The following VAT1L variants were observed in gnomAD, a reference collection of about 807,000 sequenced individuals.
The protein encoded by VAT1L is vesicle amine transport 1 like, also known as putative NADPH-dependent quinone oxidoreductase VAT1L.
Under a neutral mutation model 44.1 loss-of-function variants are expected in VAT1L, and 34 were observed. The observed-to-expected ratio is 0.77, with a 90% CI of 0.59 to 1.03. The LOEUF (loss-of-function observed/expected upper bound fraction) is 1.03. Among genes scored for constraint, VAT1L ranks in the 50% least tolerant of loss-of-function variants. The pLI is 0.00. For missense variants in VAT1L, 615 were observed against 538.8 expected, an observed-to-expected ratio of 1.14 and a Z score of -1.40; for synonymous variants, 253 against 202.2, an observed-to-expected ratio of 1.25 and a Z score of -2.13.
intron 7 of VAT1L, among the ~76,000 whole-genome samples, chr16:77,964,995 G>T (rs1011499445): frequency 1.3e-5 from 2 of 151,778 alleles, no homozygotes; most frequent in Non-Finnish European, 2.9e-5. Flanking sequence ...TCTCCATGTT[G>T]GTCAGGCTAG....
intron 7 of VAT1L, among the ~76,000 whole-genome samples, chr16:77,969,996 T>G (rs2018261623): frequency 6.9e-6 from 1 of 143,904 alleles, no homozygotes; most frequent in South Asian, 2.2e-4. Context: ...GGAGGATCAC[T>G]TGAGGCCAAC....
At position 77,879,321 on chromosome 16, in the gene VAT1L, T is replaced by TCAAAA; in HGVS notation, c.882+98_882+99insAAAAC. The TCAAAA allele has an allele frequency of 1.5e-6, 2 of 1,369,280 alleles. No individual in the cohort carries two copies. Among genetic ancestry groups the TCAAAA allele is most frequent in the African/African-American group, 1.4e-5 (1 of 69,600 alleles). The allele number at this position is 1,369,280 out of a possible 1,614,324, so 84.8% of individuals were successfully genotyped here. On this transcript the variant is annotated intron_variant, in intron 6 of 8. Transcript: ENST00000302536. This position sits in a 1 kb window ranked among gnomAD's most constrained non-coding sequence, Gnocchi z 4.1. ...TGTTTGTTTGTTTTGAGACAGCGTC[T>TCAAAA]CGTTCTGTCACCAGGCTGGAGTGCA...
chr16:77,883,328 A>T (rs528995625), intron 6 of VAT1L, among the ~76,000 whole-genome samples: 1 of 152,318 alleles, frequency 6.6e-6, no homozygotes, highest in South Asian at 2.1e-4. Context: ...ATCATAACAA[A>T]GCAGTTGGAT....
At chr16:77,959,312 C>G (rs753915837) in intron 7 of VAT1L, among the ~76,000 whole-genome samples, 1 of 152,234 alleles carries the variant, frequency 6.6e-6, no homozygotes, top group Non-Finnish European at 1.5e-5. Context: ...GCACTTTAGA[C>G]TCCAGAAGAA....
chr16:77,938,703 C>T (rs1322471940), intron 7 of VAT1L, among the ~76,000 whole-genome samples: 1 of 152,162 alleles, frequency 6.6e-6, no homozygotes, highest in Non-Finnish European at 1.5e-5. Context: ...CCTCATGCTT[C>T]CTGTACAGGC....
intron 7 of VAT1L, among the ~76,000 whole-genome samples, chr16:77,953,401 A>G (rs1487882288): frequency 6.6e-6 from 1 of 152,216 alleles, no homozygotes; most frequent in African/African-American, 2.4e-5. Flanking sequence ...AAGACTGGGT[A>G]TGATTTGTTA....
intron 6 of VAT1L, among the ~76,000 whole-genome samples, chr16:77,880,333 T>A (rs1214919265): frequency 1.3e-5 from 2 of 151,988 alleles, no homozygotes; most frequent in African/African-American, 4.8e-5. Flanking sequence ...ATTTATGTAT[T>A]TATTTTGGTA....
At chr16:77,953,109 G>A (rs2018063399) in intron 7 of VAT1L, among the ~76,000 whole-genome samples, 1 of 152,276 alleles carries the variant, frequency 6.6e-6, no homozygotes, top group South Asian at 2.1e-4. Flanking sequence ...GGCAGAGACA[G>A]GAGTGATGTG....
intron 2 of VAT1L, 102 bp from the exon 3 acceptor site, chr16:77,825,144 C>G (rs938167913): frequency 1.5e-5 from 19 of 1,266,212 alleles, no homozygotes; most frequent in African/African-American, 8.8e-5. Context: ...TGGGATTATA[C>G]GCATGAGCCA....
intron 7 of VAT1L, among the ~76,000 whole-genome samples, chr16:77,965,891 T>C (rs756602604): frequency 3.3e-5 from 5 of 152,152 alleles, no homozygotes; most frequent in Admixed American, 6.5e-5. Flanking sequence ...GACTCTGAGG[T>C]AGACACCATT....
At chr16:77,864,518 A>T (rs778618984) in intron 4 of VAT1L, among the ~76,000 whole-genome samples, 1 of 152,310 alleles carries the variant, frequency 6.6e-6, no homozygotes, top group Non-Finnish European at 1.5e-5. Flanking sequence ...AGGTGGGTGG[A>T]TCGCTTGATC....
chr16:77,813,524 C>G (rs1053130901), intron 1 of VAT1L, among the ~76,000 whole-genome samples: 3 of 152,220 alleles, frequency 2.0e-5, no homozygotes, highest in African/African-American at 7.2e-5. Context: ...GACTGGACCT[C>G]TCCTCATTCT....
intron 7 of VAT1L, among the ~76,000 whole-genome samples, chr16:77,926,019 T>G (rs1419459940): frequency 6.6e-6 from 1 of 151,942 alleles, no homozygotes; most frequent in Admixed American, 6.6e-5. Context: ...TCCTAGCACT[T>G]TGGGAGGCCG....
At chr16:77,791,776 C>G (rs538444255) in intron 1 of VAT1L, among the ~76,000 whole-genome samples, 19 of 152,218 alleles carry the variant, frequency 1.2e-4, no homozygotes, top group Middle Eastern at 3.4e-3. Context: ...ATGGCTTTCT[C>G]CAGAAAGTAG....
At chr16:77,844,282 T>C (rs1274657560) in intron 3 of VAT1L, among the ~76,000 whole-genome samples, 3 of 152,222 alleles carry the variant, frequency 2.0e-5, no homozygotes, top group Non-Finnish European at 2.9e-5. Context: ...CTAAACAATA[T>C]AGTATAACAG....
rs139014105 is a variant in VAT1L at position 77,952,534 on chromosome 16, G to C, written c.1078-19316G>C. Among the ~76,000 whole-genome samples the C allele has an allele frequency of 4.8e-3, 734 of 152,016 alleles. 7 individuals carry two copies. Among genetic ancestry groups the C allele is most frequent in the African/African-American group, 0.017 (707 of 41,448 alleles). ...CCCCTTTGAGACCTCCCTAGAAGCT[G>C]ATCATATGCCAGCACTATGCTTCCC... On this transcript the variant is annotated intron_variant, in intron 7 of 8. Transcript: ENST00000302536.
At chr16:77,938,617 C>T (rs779615613) in intron 7 of VAT1L, among the ~76,000 whole-genome samples, 24 of 152,226 alleles carry the variant, frequency 1.6e-4, no homozygotes, top group South Asian at 1.5e-3. Context: ...CATGTAAAGA[C>T]GTGCCTGCTT....
intron 3 of VAT1L, 61 bp downstream of exon 3, chr16:77,825,522 C>A (rs562175352): frequency 2.0e-4 from 308 of 1,523,892 alleles, no homozygotes; most frequent in Non-Finnish European, 2.6e-4. Flanking sequence ...TGGAGTGACA[C>A]CCCCCTGAGG....
intron 7 of VAT1L, among the ~76,000 whole-genome samples, chr16:77,938,315 G>T (rs6564485): frequency 0.61 from 92,843 of 151,584 alleles, 28,447 homozygotes; most frequent in Non-Finnish European, 0.64. Context: ...TGTCTGTGTT[G>T]TATGCACTTG....
Sources: gnomAD v4.1 joint callset for allele counts (sites outside exome capture counted in the v4.1 genomes callset) on GRCh38, gnomAD v4.1.1 for gene constraint, Gnocchi (gnomAD v3.1) non-coding constraint, MANE v1.5 for transcripts, NCBI Gene and HGNC (gene_info 2026-07-23, HGNC 2026-07-21) for gene names.